Variants in PRELID2 observed in about 807,000 individuals in gnomAD.
PRELID2 encodes the protein PRELI domain containing 2, also known as PRELI domain-containing protein 2.
In PRELID2, 25 loss-of-function variants were observed where a neutral mutation model predicts 28.4. The ratio of observed to expected loss-of-function variants is 0.88; its 90% confidence interval spans 0.64 to 1.23. The LOEUF (loss-of-function observed/expected upper bound fraction) is 1.23. Ranked by LOEUF, PRELID2 falls within the 50% of genes most tolerant of loss-of-function variation. PRELID2 has a pLI of 0.00. For synonymous variants in PRELID2, 76 were observed against 71.6 expected (o/e 1.06, Z -0.31); for missense variants, 201 against 214.4 (o/e 0.94, Z 0.39).
At chr5:145,444,348 C>T in the PRELID2 span, among the ~76,000 whole-genome samples, 1 of 151,986 alleles carries the variant, frequency 6.6e-6, no homozygotes, top group Admixed American at 6.6e-5. Context: ...ACATTCATTC[C>T]CATGCTTGAA....
rs149596992 is a variant in PRELID2 at position 145,585,827 on chromosome 5, G to T, written n.71-112512C>A. Among the ~76,000 whole-genome samples the T allele has an allele frequency of 8.0e-4, 121 of 152,166 alleles. No individual in the cohort carries two copies. The East Asian group carries it at 0.02, about 26-fold the overall frequency. On this transcript the variant is annotated intron_variant and non_coding_transcript_variant, in intron 1 of 2. Coordinates refer to the PRELID2 transcript ENST00000510259. The stretch of plus-strand genomic sequence containing the variant: ...AGAATGGGGTGGGGTGTCAGCCTGG[G>T]GGCCAGAGATACCGAAAAGCCTTGG...
chr5:145,697,033 T>TTATATATATATATA (rs36117637), intron 1 of PRELID2, among the ~76,000 whole-genome samples: 1 of 50,618 alleles, frequency 2.0e-5, no homozygotes, highest in Non-Finnish European at 4.2e-5. Flanking sequence ...GAGAGGAAAA[T>TTATATATATATATA]TATATATATA....
At chr5:145,625,459 C>A (rs1214325351) in intron 1 of PRELID2, among the ~76,000 whole-genome samples, 2 of 152,126 alleles carry the variant, frequency 1.3e-5, no homozygotes, top group Admixed American at 6.5e-5. Context: ...AAAAACAGGT[C>A]ACAGTAGACC....
At chr5:145,367,987 T>A in the PRELID2 span, among the ~76,000 whole-genome samples, 1 of 152,096 alleles carries the variant, frequency 6.6e-6, no homozygotes, top group Non-Finnish European at 1.5e-5. Context: ...TACAATTATG[T>A]TTGGTTTTGT....
In PRELID2 at chr5:145,706,611, C is replaced by A. The variant is rs78974230; in HGVS notation, n.70+58320G>T. Among the ~76,000 whole-genome samples the A allele has an allele frequency of 3.9e-5, 6 of 152,268 alleles. 1 individual carries two copies. The East Asian group carries it at 1.2e-3, about 29-fold the overall frequency. On this transcript the variant is annotated intron_variant and non_coding_transcript_variant, in intron 1 of 2. Transcript: ENST00000510259. ...GTCACCTCCTGTGCACTAGGCACTA[C>A]GCTAGGTGATGTTCAAAAGATTTGC...
intron 1 of PRELID2, among the ~76,000 whole-genome samples, chr5:145,479,918 T>C (rs1207137992): frequency 6.6e-6 from 1 of 152,212 alleles, no homozygotes; most frequent in East Asian, 1.9e-4. Flanking sequence ...GCATGTTTCA[T>C]AGCTAATGGA....
intron 1 of PRELID2, among the ~76,000 whole-genome samples, chr5:145,493,791 C>A (rs1353752360): frequency 1.3e-5 from 2 of 152,170 alleles, no homozygotes; most frequent in Non-Finnish European, 1.5e-5. Context: ...GATGAGGCTT[C>A]TCCTAAAATC....
the PRELID2 span, among the ~76,000 whole-genome samples, chr5:145,439,885 AC>A: frequency 6.6e-6 from 1 of 152,048 alleles, no homozygotes; most frequent in African/African-American, 2.4e-5. Context: ...CTGTTCCAAA[AC>A]AAAACAAACA....
intron 1 of PRELID2, among the ~76,000 whole-genome samples, chr5:145,493,544 C>G (rs998471557): frequency 6.6e-6 from 1 of 152,136 alleles, no homozygotes; most frequent in Non-Finnish European, 1.5e-5. Flanking sequence ...CTTACATGGT[C>G]TTCCTACCTG....
the PRELID2 span, among the ~76,000 whole-genome samples, chr5:145,249,998 C>A: frequency 6.6e-6 from 1 of 151,840 alleles, no homozygotes; most frequent in African/African-American, 2.4e-5. Flanking sequence ...AATCTGCACA[C>A]AATTTAGATG....
intron 1 of PRELID2, among the ~76,000 whole-genome samples, chr5:145,708,587 T>A (rs942613309): frequency 6.6e-6 from 1 of 152,192 alleles, no homozygotes; most frequent in African/African-American, 2.4e-5. Context: ...CAAAGACATA[T>A]AAATTAAACA....
intron 1 of PRELID2, among the ~76,000 whole-genome samples, chr5:145,707,661 A>G (rs1319933765): frequency 6.6e-6 from 1 of 152,208 alleles, no homozygotes. Context: ...AGCTGAGGAG[A>G]AATAAAAGGC....
intron 1 of PRELID2, among the ~76,000 whole-genome samples, chr5:145,487,698 C>A (rs1752230096): frequency 1.3e-5 from 2 of 152,122 alleles, no homozygotes; most frequent in Admixed American, 1.3e-4. Context: ...TTTTTCATTC[C>A]ATTTCTCTGT....
the PRELID2 span, among the ~76,000 whole-genome samples, chr5:145,343,210 C>T: frequency 6.6e-6 from 1 of 151,942 alleles, no homozygotes; most frequent in East Asian, 1.9e-4. Context: ...CCAATGACTG[C>T]AGAGTATATA....
the PRELID2 span, among the ~76,000 whole-genome samples, chr5:145,277,081 C>T: frequency 1.3e-5 from 2 of 151,988 alleles, no homozygotes; most frequent in Non-Finnish European, 2.9e-5. Flanking sequence ...TTTGAGGGTA[C>T]CTTCTCTGTG....
chr5:145,612,873 G>T (rs746231260), intron 1 of PRELID2, among the ~76,000 whole-genome samples: 1 of 152,104 alleles, frequency 6.6e-6, no homozygotes, highest in Non-Finnish European at 1.5e-5. Context: ...TGGACATTTG[G>T]GTTGGTTCCA....
At chr5:145,677,019 G>T (rs1754830770) in intron 1 of PRELID2, among the ~76,000 whole-genome samples, 1 of 151,880 alleles carries the variant, frequency 6.6e-6, no homozygotes. Flanking sequence ...CAAATTGTGA[G>T]AAAGCATTTC....
chr5:145,622,705 CA>C (rs1246516094), intron 1 of PRELID2, among the ~76,000 whole-genome samples: 2 of 151,536 alleles, frequency 1.3e-5, no homozygotes, highest in East Asian at 3.9e-4. Flanking sequence ...TAGAAAGTTT[CA>C]AAAGTAACTA....
At chr5:145,291,367 G>A in the PRELID2 span, among the ~76,000 whole-genome samples, 5 of 145,272 alleles carry the variant, frequency 3.4e-5, no homozygotes, top group Admixed American at 1.3e-4. Flanking sequence ...AAAAAGGAGA[G>A]GGGTATTTGG....
Sources: allele counts gnomAD v4.1 joint callset (sites outside exome capture counted in the v4.1 genomes callset), GRCh38; gene constraint gnomAD v4.1.1; transcripts MANE v1.5; gene names NCBI Gene and HGNC (gene_info 2026-07-23, HGNC 2026-07-21).